Variants in KCNQ3 observed in about 807,000 individuals in gnomAD.
KCNQ3 encodes potassium voltage-gated channel subfamily Q member 3.
Under a neutral mutation model 92.5 loss-of-function variants are expected in KCNQ3, and 30 were observed. That is an observed-to-expected ratio of 0.32 (90% CI 0.24 to 0.44). KCNQ3 has a LOEUF of 0.44. KCNQ3 is among the 20% of genes least tolerant of loss of function. The pLI is 1.00. For synonymous variants in KCNQ3, 450 were observed against 468.8 expected, an observed-to-expected ratio of 0.96 and a Z score of 0.52; for missense variants, 913 against 1,140.3, an observed-to-expected ratio of 0.80 and a Z score of 2.87.
chr8:132,345,862 G>A (rs942715323), intron 1 of KCNQ3, among the ~76,000 whole-genome samples: 1 of 152,070 alleles, frequency 6.6e-6, no homozygotes, highest in Admixed American at 6.6e-5. Context: ...ATGATGAAAT[G>A]GTGATGATGG....
intron 10 of KCNQ3, chr8:132,140,863 G>C (rs1825271749): frequency 2.0e-6 from 1 of 509,616 alleles, no homozygotes; most frequent in Admixed American, 3.3e-5. Context: ...GGGGGGTCGG[G>C]GCGGACCCTT....
rs116229982 is a variant in KCNQ3, at chr8:132,135,690, C to T, written c.1701-1302G>A. 5.0e-3 allele frequency among the ~76,000 whole-genome samples: 760 copies of T among 152,142 alleles called. 7 individuals carry two copies. The highest frequency in any genetic ancestry group is 0.017 in the African/African-American group (725 of 41,502). ...TGCCTTAGACATCATGCTTCATCCTCGTCTCTCGGAGAGCCATACTTGCAT... is the reference window on the plus strand; with the variant it reads ...TGCCTTAGACATCATGCTTCATCCTTGTCTCTCGGAGAGCCATACTTGCAT... On this transcript the variant is annotated intron_variant, in intron 12 of 14. Transcript: ENST00000388996.
At chr8:132,272,596 A>C (rs1441954145) in intron 1 of KCNQ3, among the ~76,000 whole-genome samples, 1 of 152,176 alleles carries the variant, frequency 6.6e-6, no homozygotes, top group Non-Finnish European at 1.5e-5. Flanking sequence ...GAAGGCAAGA[A>C]GGAGCAAATC....
intron 1 of KCNQ3, among the ~76,000 whole-genome samples, chr8:132,233,106 A>G (rs1290525298): frequency 2.6e-5 from 4 of 152,212 alleles, no homozygotes; most frequent in East Asian, 1.9e-4. Context: ...TGACCTATAC[A>G]TGCAGCTCAA....
chr8:132,382,036 A>C (rs1819765423), intron 1 of KCNQ3, among the ~76,000 whole-genome samples: 1 of 152,236 alleles, frequency 6.6e-6, no homozygotes, highest in Middle Eastern at 3.2e-3. Context: ...TGTCCAAATC[A>C]GATTAAATGG....
At position 132,129,777 on chromosome 8, in the gene KCNQ3, C is replaced by G. The variant is rs1824803602; in HGVS notation, c.2104G>C (p.Val702Leu). Residue 702 changes from valine (V) to leucine (L), a missense_variant, in exon 15 of 15, where the codon GTG (valine) becomes CTG (leucine). By Grantham distance (32) the Val-to-Leu change is conservative. This residue lies in a region of KCNQ3 where 375 missense variants were observed against 376.4 expected (regional missense o/e 1.00). Coordinates refer to ENST00000388996, the MANE Select transcript of KCNQ3 (RefSeq NM_004519.4). The surrounding 1 kb of genome is among the most constrained non-coding windows in gnomAD (Gnocchi z 5.9). ...PPEPPYSFHQ[V>L]TIDKVSPYGF... ...TAGGGGCTGACTTTGTCAATGGTCA[C>G]CTGGTGGAAGCTGTAGGGTGGTTCC... 1 of 1,614,158 alleles carries G rather than the reference C, an allele frequency of 6.2e-7. No homozygotes were observed. The highest frequency in any genetic ancestry group is 8.5e-7 in the Non-Finnish European group (1 of 1,180,034).
At chr8:132,393,976 C>T (rs1251581385) in intron 1 of KCNQ3, among the ~76,000 whole-genome samples, 1 of 152,332 alleles carries the variant, frequency 6.6e-6, no homozygotes, top group Admixed American at 6.5e-5. Context: ...CAGCTACCTA[C>T]TGTGTGCCCT....
At chr8:132,236,383 G>A (rs369322933) in intron 1 of KCNQ3, among the ~76,000 whole-genome samples, 17 of 152,126 alleles carry the variant, frequency 1.1e-4, no homozygotes, top group African/African-American at 4.1e-4. Flanking sequence ...TTTGAAGCTC[G>A]CAGGGATTCA....
At chr8:132,448,796 T>C (rs1439469094) in intron 1 of KCNQ3, among the ~76,000 whole-genome samples, 5 of 152,360 alleles carry the variant, frequency 3.3e-5, no homozygotes, top group South Asian at 2.1e-4. Context: ...CATTTGTAAA[T>C]GTTTTCACAC....
intron 1 of KCNQ3, among the ~76,000 whole-genome samples, chr8:132,336,076 T>C (rs936549870): frequency 6.6e-6 from 1 of 152,198 alleles, no homozygotes; most frequent in African/African-American, 2.4e-5. Context: ...AATTAATCTG[T>C]GTTCTCACCA....
intron 1 of KCNQ3, among the ~76,000 whole-genome samples, chr8:132,256,962 T>C (rs771696641): frequency 2.6e-5 from 4 of 152,198 alleles, no homozygotes; most frequent in Admixed American, 6.5e-5. Flanking sequence ...ATAGTTTACA[T>C]ATACAAGATA....
intron 1 of KCNQ3, among the ~76,000 whole-genome samples, chr8:132,281,520 CTGTGTG>C (rs57252508): frequency 2.7e-5 from 4 of 149,586 alleles, no homozygotes; most frequent in Non-Finnish European, 5.9e-5. Context: ...TATATGGAAT[CTGTGTG>C]TGTGTGTGTG....
At chr8:132,303,706 CAT>C (rs533671606) in intron 1 of KCNQ3, among the ~76,000 whole-genome samples, 59 of 133,214 alleles carry the variant, frequency 4.4e-4, no homozygotes, top group Non-Finnish European at 1.7e-4. Flanking sequence ...CACACACACA[CAT>C]ATATATACAC....
chr8:132,347,229 C>T (rs1210049967), intron 1 of KCNQ3, among the ~76,000 whole-genome samples: 2 of 152,156 alleles, frequency 1.3e-5, no homozygotes, highest in Non-Finnish European at 2.9e-5. Context: ...CCTGACTTTG[C>T]CAATGGAATT....
chr8:132,315,519 TC>T, intron 1 of KCNQ3, among the ~76,000 whole-genome samples: 1 of 152,252 alleles, frequency 6.6e-6, no homozygotes, highest in Non-Finnish European at 1.5e-5. Flanking sequence ...AAGCTCATAC[TC>T]CCAGGGTTTG....
Position 132,127,459 on chromosome 8 carries a change from C to CCTAT in KCNQ3, c.*1799_*1802dup, listed in dbSNP as rs1278699608. ...CTGTTGACATGTGAGTTGAAAGGAA[C>CCTAT]CTATCTCTGAGGAAGTGATTCCTCT... On this transcript the variant is annotated 3_prime_UTR_variant, in exon 15 of 15. Coordinates refer to ENST00000388996, the MANE Select transcript of KCNQ3 (RefSeq NM_004519.4). 3.3e-5 allele frequency: 5 copies of CCTAT among 152,270 alleles called. No individual in the cohort carries two copies. In the South Asian group the frequency reaches 6.2e-4, roughly 19 times the overall value. The allele number at this position is 152,270 out of a possible 1,614,324, so 9.4% of individuals were successfully genotyped here.
chr8:132,278,022 A>G (rs1816394038), intron 1 of KCNQ3: 1 of 985,248 alleles, frequency 1.0e-6, no homozygotes, highest in Admixed American at 6.1e-5. Flanking sequence ...CAGGAATTCA[A>G]GGCTACAGAG....
intron 1 of KCNQ3, among the ~76,000 whole-genome samples, chr8:132,433,549 T>C (rs1216485489): frequency 6.6e-6 from 1 of 152,054 alleles, no homozygotes; most frequent in African/African-American, 2.4e-5. Flanking sequence ...CTTATGAGAG[T>C]GTACTGAATT....
chr8:132,302,631 T>G (rs1817255630), intron 1 of KCNQ3, among the ~76,000 whole-genome samples: 1 of 152,218 alleles, frequency 6.6e-6, no homozygotes, highest in South Asian at 2.1e-4. Flanking sequence ...TTCCTTCTCC[T>G]GAAAGGGTTG....
Sources: allele counts gnomAD v4.1 joint callset (sites outside exome capture counted in the v4.1 genomes callset), GRCh38; gene constraint gnomAD v4.1.1; regional missense constraint gnomAD v4.1.1; non-coding constraint Gnocchi (gnomAD v3.1); transcripts MANE v1.5; gene names NCBI Gene and HGNC (gene_info 2026-07-23, HGNC 2026-07-21).